Variants in FGF14 observed in about 807,000 individuals in gnomAD.
The protein encoded by FGF14 is fibroblast growth factor homologous factor 4.
Under a neutral mutation model 25.5 loss-of-function variants are expected in FGF14, and 5 were observed. The observed-to-expected ratio is 0.20, with a 90% CI of 0.10 to 0.41. The LOEUF (loss-of-function observed/expected upper bound fraction) is 0.41, where lower values mean the gene tolerates loss of function less well. FGF14 is among the 10% of genes least tolerant of loss of function. The pLI is 1.00. For synonymous variants in FGF14, 138 were observed against 118.3 expected, an observed-to-expected ratio of 1.17 and a Z score of -1.08; for missense variants, 222 against 320.1, an observed-to-expected ratio of 0.69 and a Z score of 2.34.
intron 1 of FGF14, among the ~76,000 whole-genome samples, chr13:101,991,204 TCAATA>T (rs1175233044): frequency 2.0e-5 from 3 of 152,262 alleles, no homozygotes; most frequent in Non-Finnish European, 4.4e-5. Context: ...AGTGCATAAT[TCAATA>T]CTTTTTTAAA....
Position 102,401,000 on chromosome 13 carries a change from A to G in FGF14, c.208+471T>C, listed in dbSNP as rs57674932. ...GGGAGGGGGCCTCTTTTACTTTGGT[A>G]AAGGTGATCGTGGTGGCGAATATTG... On this transcript the variant is annotated intron_variant, in intron 1 of 4. Transcript: ENST00000376131. The surrounding 1 kb of genome is among the most constrained non-coding windows in gnomAD (Gnocchi z 4.3). Among the ~76,000 whole-genome samples the G allele has an allele frequency of 1.3e-3, 196 of 152,152 alleles. 1 individual carries two copies. The South Asian group carries it at 0.015, about 11-fold the overall frequency.
intron 1 of FGF14, among the ~76,000 whole-genome samples, chr13:102,376,280 C>T (rs2139141984): frequency 6.6e-6 from 1 of 152,286 alleles, no homozygotes; most frequent in Non-Finnish European, 1.5e-5. Flanking sequence ...TGCCTGTCAC[C>T]ATGTAAGATG....
intron 1 of FGF14, among the ~76,000 whole-genome samples, chr13:102,011,995 A>G (rs915048082): frequency 6.6e-6 from 1 of 152,154 alleles, no homozygotes; most frequent in Non-Finnish European, 1.5e-5. Flanking sequence ...TTTGCTACCC[A>G]AATATGTTTG....
chr13:101,916,569 G>C lies in FGF14; in HGVS notation c.77C>G (p.Ala26Gly). The C allele has an allele frequency of 6.2e-7, 1 of 1,610,930 alleles. No homozygotes were observed. Among genetic ancestry groups the C allele is most frequent in the Non-Finnish European group, 8.5e-7 (1 of 1,179,024 alleles). ...AREQHWDRPS[A>G]SRRRSSPSKN... ...GCTGGGGCTGCTCCGCCTCCTGCTGGCAGACGGCCGGTCCCAGTGCTGCTC... is the reference window on the plus strand; with the variant it reads ...GCTGGGGCTGCTCCGCCTCCTGCTGCCAGACGGCCGGTCCCAGTGCTGCTC... Residue 26 changes from alanine (A) to glycine (G), a missense_variant, in exon 1 of 5, where the codon GCC becomes GGC. Ala to Gly is a moderately conservative substitution (Grantham distance 60). This residue lies in a region of FGF14 where 80 missense variants were observed against 72.2 expected (regional missense o/e 1.11). Coordinates refer to ENST00000376143, the MANE Select transcript of FGF14 (RefSeq NM_004115.4).
chr13:101,824,891 G>T (rs1191554985), intron 3 of FGF14, among the ~76,000 whole-genome samples: 1 of 152,176 alleles, frequency 6.6e-6, no homozygotes, highest in Non-Finnish European at 1.5e-5. Context: ...AGAGCTTCCG[G>T]GTTGCTAAAT....
At chr13:101,853,248 C>T (rs991304828) in intron 3 of FGF14, among the ~76,000 whole-genome samples, 1 of 152,056 alleles carries the variant, frequency 6.6e-6, no homozygotes, top group African/African-American at 2.4e-5. Flanking sequence ...TGTCACCCCA[C>T]TGTCTATTCT....
At chr13:102,063,841 T>TA (rs891834604) in intron 1 of FGF14, among the ~76,000 whole-genome samples, 5 of 151,812 alleles carry the variant, frequency 3.3e-5, no homozygotes, top group Admixed American at 6.6e-5. Flanking sequence ...GAGAATCAAC[T>TA]AAAAAAAACA....
chr13:101,943,523 A>G (rs569112478), intron 1 of FGF14, among the ~76,000 whole-genome samples: 3 of 152,166 alleles, frequency 2.0e-5, no homozygotes, highest in African/African-American at 7.2e-5. Context: ...CCTCACAACA[A>G]AGTATTATCC....
chr13:102,137,166 C>A (rs1240976352), intron 1 of FGF14, among the ~76,000 whole-genome samples: 7 of 152,144 alleles, frequency 4.6e-5, no homozygotes, highest in Admixed American at 1.3e-4. Context: ...CTATAAAAAT[C>A]CCAACTTTTG....
chr13:102,060,716 A>T (rs2042647725), intron 1 of FGF14, among the ~76,000 whole-genome samples: 1 of 152,152 alleles, frequency 6.6e-6, no homozygotes, highest in Non-Finnish European at 1.5e-5. Flanking sequence ...GGGAGCAGGG[A>T]AGTGCTGGGT....
intron 1 of FGF14, among the ~76,000 whole-genome samples, chr13:102,222,763 T>G (rs9557837): frequency 0.2 from 30,470 of 152,112 alleles, 3,408 homozygotes; most frequent in Non-Finnish European, 0.26. Context: ...GTGGTTATCC[T>G]GCTCATTCTT....
intron 1 of FGF14, among the ~76,000 whole-genome samples, chr13:102,305,017 A>T (rs2055294700): frequency 6.6e-6 from 1 of 152,200 alleles, no homozygotes; most frequent in Admixed American, 6.5e-5. Context: ...AAAAATAACT[A>T]AAACAGTGTG....
chr13:102,265,658 C>A (rs2052952396), intron 1 of FGF14, among the ~76,000 whole-genome samples: 1 of 151,970 alleles, frequency 6.6e-6, no homozygotes, highest in African/African-American at 2.4e-5. Flanking sequence ...AATTTTTATA[C>A]CCTTAAGACT....
chr13:102,341,112 GA>G (rs1036936393), intron 1 of FGF14, among the ~76,000 whole-genome samples: 10 of 151,938 alleles, frequency 6.6e-5, no homozygotes, highest in South Asian at 2.1e-4. Context: ...TAAAAGGGGG[GA>G]AAAAAGACTC....
intron 3 of FGF14, among the ~76,000 whole-genome samples, chr13:101,787,075 G>A (rs572945630): frequency 6.6e-6 from 1 of 151,946 alleles, no homozygotes; most frequent in Non-Finnish European, 1.5e-5. Flanking sequence ...GGCTAATTCT[G>A]CTCTTTATTT....
intron 1 of FGF14, among the ~76,000 whole-genome samples, chr13:102,331,213 C>T (rs528010580): frequency 6.6e-6 from 1 of 152,206 alleles, no homozygotes; most frequent in Non-Finnish European, 1.5e-5. Flanking sequence ...TTTACATTGT[C>T]CCAGATCAAA....
At chr13:102,326,233 T>C (rs886432061) in intron 1 of FGF14, among the ~76,000 whole-genome samples, 3 of 152,174 alleles carry the variant, frequency 2.0e-5, no homozygotes, top group Non-Finnish European at 4.4e-5. Flanking sequence ...ATTTCTTGAC[T>C]GAAAACATGT....
At chr13:101,956,151 C>T (rs1312158354) in intron 1 of FGF14, among the ~76,000 whole-genome samples, 1 of 152,178 alleles carries the variant, frequency 6.6e-6, no homozygotes, top group Non-Finnish European at 1.5e-5. Context: ...GTTTCCCAGG[C>T]ATGAGGCATG....
At chr13:101,815,892 C>T (rs2041819506) in intron 3 of FGF14, among the ~76,000 whole-genome samples, 1 of 152,108 alleles carries the variant, frequency 6.6e-6, no homozygotes, top group African/African-American at 2.4e-5. Context: ...AATAAGCCCT[C>T]TTAGCTAGAG....
Sources: gnomAD v4.1 joint callset for allele counts (sites outside exome capture counted in the v4.1 genomes callset) on GRCh38, gnomAD v4.1.1 for gene constraint, gnomAD v4.1.1 regional missense constraint, Gnocchi (gnomAD v3.1) non-coding constraint, MANE v1.5 for transcripts, NCBI Gene and HGNC (gene_info 2026-07-23, HGNC 2026-07-21) for gene names.